Variants in SCAPER observed in about 807,000 individuals in gnomAD.
The protein encoded by SCAPER is S-phase cyclin A associated protein in the ER, also known as S phase cyclin A-associated protein in the endoplasmic reticulum.
Under a neutral mutation model 182.2 loss-of-function variants are expected in SCAPER, and 98 were observed. That is an observed-to-expected ratio of 0.54 (90% CI 0.46 to 0.64). SCAPER has a LOEUF of 0.64. SCAPER is among the 30% of genes least tolerant of loss of function. The pLI, the probability that SCAPER is intolerant of heterozygous loss-of-function variation, is 0.00. For synonymous variants in SCAPER, 605 were observed against 564.6 expected (o/e 1.07, Z -1.01); for missense variants, 1,432 against 1,690.0 (o/e 0.85, Z 2.68).
At chr15:76,669,459 C>T (rs1039081066) in intron 20 of SCAPER, among the ~76,000 whole-genome samples, 1 of 152,148 alleles carries the variant, frequency 6.6e-6, no homozygotes, top group Non-Finnish European at 1.5e-5. Context: ...ACCCTCTTCC[C>T]ATTATCTCCC....
chr15:76,641,384 C>T (rs2054090516), intron 21 of SCAPER, among the ~76,000 whole-genome samples: 2 of 152,184 alleles, frequency 1.3e-5, no homozygotes, highest in African/African-American at 4.8e-5. Flanking sequence ...AAATCCCTCA[C>T]TAACCTACTC....
chr15:76,901,152 C>T (rs899932119), intron 1 of SCAPER, among the ~76,000 whole-genome samples: 4 of 152,170 alleles, frequency 2.6e-5, no homozygotes, highest in African/African-American at 9.7e-5. Context: ...ATCGCTGGAA[C>T]CCAGGAGGCA....
intron 17 of SCAPER, among the ~76,000 whole-genome samples, chr15:76,725,975 A>G (rs2060563073): frequency 6.6e-6 from 1 of 150,570 alleles, no homozygotes; most frequent in Non-Finnish European, 1.5e-5. Flanking sequence ...GGCAACAAAA[A>G]CAACAACAAC....
At chr15:76,693,273 G>A (rs775885069) in intron 20 of SCAPER, among the ~76,000 whole-genome samples, 3 of 152,098 alleles carry the variant, frequency 2.0e-5, no homozygotes, top group Admixed American at 6.6e-5. Flanking sequence ...TGAAAGAAAT[G>A]AATTGCTAAT....
intron 20 of SCAPER, among the ~76,000 whole-genome samples, chr15:76,688,225 C>T (rs1415921672): frequency 1.3e-5 from 2 of 152,188 alleles, no homozygotes; most frequent in African/African-American, 4.8e-5. Context: ...TTGTTGGCTG[C>T]ATAAATGTCT....
chr15:76,405,136 A>C (rs1343299433), intron 26 of SCAPER, among the ~76,000 whole-genome samples: 1 of 130,336 alleles, frequency 7.7e-6, no homozygotes, highest in Non-Finnish European at 1.6e-5. Context: ...TTTTTTAGAG[A>C]CAGCGTCTCA....
chr15:76,458,680 G>A (rs539726798), intron 25 of SCAPER, among the ~76,000 whole-genome samples: 86 of 152,150 alleles, frequency 5.7e-4, no homozygotes, highest in Non-Finnish European at 1.1e-3. Context: ...AACATTTCAC[G>A]ACCTGTCTTC....
At chr15:76,588,333 C>T (rs2048840539) in intron 22 of SCAPER, among the ~76,000 whole-genome samples, 1 of 152,208 alleles carries the variant, frequency 6.6e-6, no homozygotes, top group African/African-American at 2.4e-5. Context: ...CAACATCTTT[C>T]ATCATTATAT....
chr15:76,530,660 A>G (rs903673118), intron 23 of SCAPER, among the ~76,000 whole-genome samples: 5 of 152,188 alleles, frequency 3.3e-5, no homozygotes, highest in Non-Finnish European at 7.3e-5. Flanking sequence ...CTGAGTTTGC[A>G]CCAGGGAAAT....
intron 20 of SCAPER, among the ~76,000 whole-genome samples, chr15:76,698,915 T>G (rs2058785749): frequency 1.3e-5 from 2 of 152,228 alleles, no homozygotes; most frequent in African/African-American, 2.4e-5. Context: ...TTTTTGCATT[T>G]GTTTGTGTTA....
chr15:76,358,596 G>A (rs1322824512), intron 29 of SCAPER, among the ~76,000 whole-genome samples: 1 of 152,194 alleles, frequency 6.6e-6, no homozygotes, highest in Non-Finnish European at 1.5e-5. Context: ...TTTAGAGAGC[G>A]AGATCTCTCC....
At position 76,727,163 on chromosome 15, in the gene SCAPER, A is replaced by C. The variant is rs1175975048; in HGVS notation, c.2165+1432T>G. Among the ~76,000 whole-genome samples the C allele has an allele frequency of 2.6e-5, 4 of 152,204 alleles. No individual in the cohort carries two copies. The East Asian group carries it at 7.7e-4, about 29-fold the overall frequency. On this transcript the variant is annotated intron_variant, in intron 17 of 31. Transcript: ENST00000563290. ...ACATTTAGTAGCATGCTCATAAATT[A>C]AAATATTCAACATAAAAATATCAAT...
chr15:76,459,375 T>G (rs2048979342), intron 25 of SCAPER, among the ~76,000 whole-genome samples: 1 of 152,188 alleles, frequency 6.6e-6, no homozygotes. Flanking sequence ...ATACATATTC[T>G]GTATATATTC....
chr15:76,762,055 T>A (rs773431164), intron 14 of SCAPER, among the ~76,000 whole-genome samples: 8 of 152,226 alleles, frequency 5.3e-5, no homozygotes, highest in Non-Finnish European at 1.0e-4. Flanking sequence ...CTAGGGACAC[T>A]TCTTGTCCTA....
At chr15:76,350,372 GT>G (rs2040459452) in intron 31 of SCAPER, 2 of 150,684 alleles carry the variant, frequency 1.3e-5, no homozygotes, top group African/African-American at 4.9e-5. Context: ...GACTTTGTGT[GT>G]GTGTGTGTGT....
At chr15:76,689,653 A>G (rs2058238449) in intron 20 of SCAPER, among the ~76,000 whole-genome samples, 2 of 151,864 alleles carry the variant, frequency 1.3e-5, no homozygotes, top group African/African-American at 4.8e-5. Context: ...AGCACTCCTT[A>G]TATCTAGGTC....
Position 76,840,627 on chromosome 15 carries a change from A to C in SCAPER, c.393+1107T>G, listed in dbSNP as rs191275609. ...CTGTCTCAATATGTAACTCTTCTTT[A>C]ACCCCTCATATATTTCAAAGGTTAA... On this transcript the variant is annotated intron_variant, in intron 5 of 31. Transcript: ENST00000563290. 5.3e-3 allele frequency among the ~76,000 whole-genome samples: 807 copies of C among 152,302 alleles called. 3 individuals carry two copies. The highest frequency in any genetic ancestry group is 9.2e-3 in the Non-Finnish European group (627 of 68,020).
At chr15:76,533,489 A>G (rs1219023211) in intron 23 of SCAPER, among the ~76,000 whole-genome samples, 1 of 152,130 alleles carries the variant, frequency 6.6e-6, no homozygotes, top group Non-Finnish European at 1.5e-5. Context: ...AATAGAGTAT[A>G]CCATATAGCC....
At chr15:76,460,630 T>C (rs1249349592) in intron 25 of SCAPER, among the ~76,000 whole-genome samples, 2 of 152,150 alleles carry the variant, frequency 1.3e-5, no homozygotes, top group East Asian at 3.8e-4. Context: ...TCTTCTCCTT[T>C]TGGATATCCA....
Sources: gnomAD v4.1 joint callset for allele counts (sites outside exome capture counted in the v4.1 genomes callset) on GRCh38, gnomAD v4.1.1 for gene constraint, MANE v1.5 for transcripts, NCBI Gene and HGNC (gene_info 2026-07-23, HGNC 2026-07-21) for gene names.